HTR2C: variants seen among roughly 807,000 people sequenced by gnomAD.
HTR2C encodes the protein 5-hydroxytryptamine receptor 2C.
Under a neutral mutation model 21.0 loss-of-function variants are expected in HTR2C, and 5 were observed. The ratio of observed to expected loss-of-function variants is 0.24; its 90% CI spans 0.12 to 0.50. The LOEUF (loss-of-function observed/expected upper bound fraction) is 0.50. Among genes scored for constraint, HTR2C ranks in the 20% least tolerant of loss-of-function variants. The probability of loss-of-function intolerance (pLI) is 0.98; values close to 1 mark genes in which losing one functional copy is unlikely to be tolerated. For synonymous variants in HTR2C, 150 were observed against 145.3 expected (o/e 1.03, Z -0.23); for missense variants, 271 against 371.2 (o/e 0.73, Z 2.22).
rs199651941 is a variant in HTR2C, at chrX:114,636,068, GTT to G, written c.-80+22203_-80+22204del. ...TGGGAAGCATGAATGCTGTGCAATG[GTT>G]TTTTTTTTTTTTTTTGTCCCTGCTT... On this transcript the variant is annotated intron_variant, in intron 2 of 5. Transcript: ENST00000276198. Among the ~76,000 whole-genome samples the G allele has an allele frequency of 4.9e-3, 454 of 91,753 alleles. 3 individuals carry two copies. Among genetic ancestry groups the G allele is most frequent in the African/African-American group, 0.017 (423 of 25,166 alleles). The allele number at this position is 91,753 out of a possible 115,157, so 79.7% of individuals were successfully genotyped here. A position where few individuals can be genotyped will look rare whatever the true frequency, so the allele number is the denominator to read the frequency against.
intron 2 of HTR2C, among the ~76,000 whole-genome samples, chrX:114,678,078 T>A (rs1429268916): frequency 9.0e-6 from 1 of 111,574 alleles, no homozygotes; most frequent in Admixed American, 9.6e-5. Flanking sequence ...TCTTCTCTCC[T>A]CTTTCCTGTG....
intron 5 of HTR2C, among the ~76,000 whole-genome samples, chrX:114,895,759 G>A (rs934929913): frequency 1.9e-4 from 21 of 111,244 alleles, no homozygotes; most frequent in African/African-American, 5.9e-4. Context: ...AGGCTGAGGC[G>A]GGCGGATCAC....
chrX:114,624,529 T>C (rs17326450), intron 2 of HTR2C, among the ~76,000 whole-genome samples: 447 of 112,413 alleles, frequency 4.0e-3, no homozygotes, highest in Non-Finnish European at 6.4e-3. Flanking sequence ...TCAGCTTCCT[T>C]ATATTGTTTC....
At chrX:114,670,849 A>AT (rs1489285670) in intron 2 of HTR2C, among the ~76,000 whole-genome samples, 2 of 111,905 alleles carry the variant, frequency 1.8e-5, no homozygotes, top group African/African-American at 3.2e-5. Flanking sequence ...TCAAGAGCAA[A>AT]TTTTTTTTAA....
Position 114,749,369 on chromosome X carries a change from T to A in HTR2C, c.349+17762T>A, listed in dbSNP as rs1443031473. 3.2e-5 allele frequency among the ~76,000 whole-genome samples: 3 copies of A among 94,939 alleles called. No homozygotes were observed. The East Asian group carries it at 9.9e-4, about 31-fold the overall frequency. 82.4% of individuals were successfully genotyped at this position (94,939 alleles called of 115,157 possible). On this transcript the variant is annotated intron_variant, in intron 4 of 5. Transcript: ENST00000276198. ...GGCTGAGGTGGGAGGATGGCTTGAG[T>A]CCAGAGCCCAGGAAGTTGAGGATGC...
chrX:114,776,170 A>C, intron 4 of HTR2C: 2 of 545,656 alleles, frequency 3.7e-6, no homozygotes, highest in Admixed American at 4.6e-5. Context: ...CAAAAGTGCC[A>C]CCTCTCAGGT....
chrX:114,750,083 C>T (rs782514479), intron 4 of HTR2C, among the ~76,000 whole-genome samples: 2 of 111,571 alleles, frequency 1.8e-5, no homozygotes, highest in East Asian at 5.7e-4. Flanking sequence ...TCTGAGTTGA[C>T]GCATCTGTGT....
At chrX:114,792,423 A>G (rs892498015) in intron 4 of HTR2C, among the ~76,000 whole-genome samples, 2 of 111,405 alleles carry the variant, frequency 1.8e-5, no homozygotes, top group African/African-American at 3.3e-5. Context: ...TTCCAGCTTC[A>G]TCCATGTCCC....
chrX:114,744,507 CA>C (rs1214541356), intron 4 of HTR2C, among the ~76,000 whole-genome samples: 1 of 105,970 alleles, frequency 9.4e-6, no homozygotes, highest in Admixed American at 1.0e-4. Context: ...GGCTGGAGTG[CA>C]ATGGCTTGAT....
intron 1 of HTR2C, among the ~76,000 whole-genome samples, chrX:114,608,592 G>T (rs1298055796): frequency 9.0e-6 from 1 of 111,685 alleles, no homozygotes; most frequent in Non-Finnish European, 1.9e-5. Context: ...AGGCAATAGG[G>T]TCTTGATTTA....
intron 4 of HTR2C, among the ~76,000 whole-genome samples, chrX:114,751,481 G>A (rs945475032): frequency 1.3e-4 from 14 of 111,483 alleles, no homozygotes; most frequent in African/African-American, 4.6e-4. Flanking sequence ...AAGATTTTGG[G>A]GGAGAATGAG....
intron 4 of HTR2C, among the ~76,000 whole-genome samples, chrX:114,758,287 C>T (rs1453653913): frequency 9.0e-6 from 1 of 111,268 alleles, no homozygotes; most frequent in Admixed American, 9.6e-5. Context: ...TCTGGCTGGG[C>T]ATGGTGGCTC....
At chrX:114,746,802 G>A (rs1221177144) in intron 4 of HTR2C, among the ~76,000 whole-genome samples, 1 of 110,898 alleles carries the variant, frequency 9.0e-6, no homozygotes, top group Non-Finnish European at 1.9e-5. Flanking sequence ...AGGCTAACAC[G>A]GTGAAACTCC....
At chrX:114,649,910 C>A (rs12687666) in intron 2 of HTR2C, among the ~76,000 whole-genome samples, 93 of 111,088 alleles carry the variant, frequency 8.4e-4, no homozygotes, top group Admixed American at 2.7e-3. Flanking sequence ...CCACCGTGCC[C>A]GGCCTTTTCT....
intron 4 of HTR2C, among the ~76,000 whole-genome samples, chrX:114,831,694 T>A (rs1602852279): frequency 9.3e-6 from 1 of 107,900 alleles, no homozygotes; most frequent in South Asian, 4.1e-4. Flanking sequence ...CAGAAGCTCT[T>A]TAGTTTAATT....
At position 114,848,107 on chromosome X, in the gene HTR2C, C is replaced by T. The variant is rs1194076654; in HGVS notation, c.454C>T (p.Arg152Trp). 1 of 1,206,272 alleles carries T rather than the reference C, an allele frequency of 8.3e-7. No homozygotes were observed. The highest frequency in any genetic ancestry group is 1.7e-5 in the African/African-American group (1 of 57,309). ...GCACCTCTGCGCTATATCGCTGGATCGGTATGTAGCAATACGTAATCCTAT... is the reference window on the plus strand; with the variant it reads ...GCACCTCTGCGCTATATCGCTGGATTGGTATGTAGCAATACGTAATCCTAT... The part of the protein sequence containing the change: ...IMHLCAISLD[R>W]YVAIRNPIEH... The change falls in exon 5 of 6, where the codon CGG becomes TGG. Residue 152 changes from arginine (R) to tryptophan (W), a missense_variant. Arg to Trp is a moderately radical substitution (Grantham distance 101). This residue lies in a region of HTR2C where 4 missense variants were observed against 24.7 expected (regional missense o/e 0.16). Coordinates refer to ENST00000276198, the MANE Select transcript of HTR2C (RefSeq NM_000868.4).
At chrX:114,604,399 T>C (rs1349469902) in intron 1 of HTR2C, among the ~76,000 whole-genome samples, 1 of 109,989 alleles carries the variant, frequency 9.1e-6, no homozygotes, top group East Asian at 2.9e-4. Context: ...CCACAACAGT[T>C]ATGGAGGCAA....
Position 114,907,026 on chromosome X carries a change from A to G in HTR2C, c.988A>G (p.Thr330Ala), listed in dbSNP as rs2071380538. The G allele has an allele frequency of 8.3e-7, 1 of 1,210,602 alleles. No individual in the cohort carries two copies. The highest frequency in any genetic ancestry group is 1.8e-5 in the South Asian group (1 of 56,959). ...FLIMWCPFFI[T>A]NILSVLCEKS... ...GATCATGTGGTGCCCATTTTTCATT[A>G]CCAATATTCTGTCTGTTCTTTGTGA... Residue 330 changes from threonine (T) to alanine (A), a missense_variant, in exon 6 of 6, where the codon ACC (threonine) becomes GCC (alanine). This residue lies in a region of HTR2C where 192 missense variants were observed against 247.2 expected (regional missense o/e 0.78). Coordinates refer to ENST00000276198, the MANE Select transcript of HTR2C (RefSeq NM_000868.4).
intron 5 of HTR2C, among the ~76,000 whole-genome samples, chrX:114,890,466 C>T (rs1183762243): frequency 1.8e-5 from 2 of 112,178 alleles, no homozygotes; most frequent in Non-Finnish European, 3.8e-5. Context: ...TTCTGGTTTT[C>T]ATGAGTTACT....
Sources: allele counts gnomAD v4.1 joint callset (sites outside exome capture counted in the v4.1 genomes callset), GRCh38; gene constraint gnomAD v4.1.1; regional missense constraint gnomAD v4.1.1; transcripts MANE v1.5; gene names NCBI Gene and HGNC (gene_info 2026-07-23, HGNC 2026-07-21).